The following ADAMTSL1 variants were observed in gnomAD, a reference collection of about 807,000 sequenced individuals.
ADAMTSL1 encodes the protein ADAMTS-like protein 1.
Under a neutral mutation model 201.8 loss-of-function variants are expected in ADAMTSL1, and 126 were observed. That is an observed-to-expected ratio of 0.62 (90% CI 0.54 to 0.72). ADAMTSL1 has a LOEUF of 0.72. ADAMTSL1 is among the 30% of genes least tolerant of loss of function. ADAMTSL1 has a pLI of 0.00. For synonymous variants in ADAMTSL1, 1,121 were observed against 903.4 expected, an observed-to-expected ratio of 1.24 and a Z score of -4.32; for missense variants, 2,679 against 2,277.8, an observed-to-expected ratio of 1.18 and a Z score of -3.59.
At chr9:18,495,450 A>G (rs928820462) in intron 1 of ADAMTSL1, among the ~76,000 whole-genome samples, 7 of 152,192 alleles carry the variant, frequency 4.6e-5, no homozygotes, top group African/African-American at 1.7e-4. Flanking sequence ...TCTCTACCTT[A>G]CATGGTTTCC....
intron 3 of ADAMTSL1, among the ~76,000 whole-genome samples, chr9:18,548,665 A>G (rs1385750051): frequency 6.6e-6 from 1 of 152,134 alleles, no homozygotes; most frequent in African/African-American, 2.4e-5. Context: ...CTAATTCAGC[A>G]TTTATGGTGA....
At chr9:18,176,470 A>T (rs1828162074) in intron 2 of ADAMTSL1, among the ~76,000 whole-genome samples, 1 of 152,146 alleles carries the variant, frequency 6.6e-6, no homozygotes, top group South Asian at 2.1e-4. Flanking sequence ...ACTGTCATTT[A>T]TTACCCTCTT....
intron 4 of ADAMTSL1, among the ~76,000 whole-genome samples, chr9:18,586,681 C>T (rs117442549): frequency 6.6e-6 from 1 of 152,188 alleles, no homozygotes; most frequent in Non-Finnish European, 1.5e-5. Flanking sequence ...CATCACATTA[C>T]CTGACTTCAA....
At chr9:18,244,427 C>A (rs1831182729) in intron 2 of ADAMTSL1, among the ~76,000 whole-genome samples, 1 of 152,018 alleles carries the variant, frequency 6.6e-6, no homozygotes, top group Admixed American at 6.6e-5. Flanking sequence ...CATCCTAGCC[C>A]AGAATCCAGA....
rs75000141 is a variant in ADAMTSL1, at chr9:18,440,105, A to G, written c.208-64724A>G. 6.2e-3 allele frequency among the ~76,000 whole-genome samples: 938 copies of G among 152,286 alleles called. 10 individuals carry two copies. Among genetic ancestry groups the G allele is most frequent in the African/African-American group, 0.022 (895 of 41,560 alleles). On this transcript the variant is annotated intron_variant, in intron 2 of 29. Transcript: ENST00000680146. The stretch of plus-strand genomic sequence containing the variant: ...AAAATTCTCTTAAAATGTATTTATT[A>G]TGTTTTTGGTAATATTCTCAGGTAG...
At chr9:18,794,970 C>G (rs1369000350) in intron 19 of ADAMTSL1, among the ~76,000 whole-genome samples, 1 of 152,096 alleles carries the variant, frequency 6.6e-6, no homozygotes, top group Non-Finnish European at 1.5e-5. Flanking sequence ...TCTGGAAGCC[C>G]TACGTTCTTT....
At chr9:18,841,395 T>A (rs1469794044) in intron 23 of ADAMTSL1, among the ~76,000 whole-genome samples, 2 of 152,202 alleles carry the variant, frequency 1.3e-5, no homozygotes, top group Non-Finnish European at 2.9e-5. Flanking sequence ...GCCCACTTGA[T>A]CATGGTGGAT....
intron 2 of ADAMTSL1, among the ~76,000 whole-genome samples, chr9:18,444,293 C>G (rs1301725710): frequency 6.6e-6 from 1 of 152,150 alleles, no homozygotes; most frequent in African/African-American, 2.4e-5. Context: ...ATTTAATCCT[C>G]ACATTGATCT....
chr9:18,647,889 G>T (rs1827924579), intron 7 of ADAMTSL1, among the ~76,000 whole-genome samples: 1 of 150,996 alleles, frequency 6.6e-6, no homozygotes, highest in African/African-American at 2.4e-5. Context: ...GAGTTCTGTA[G>T]ATGTCTATTA....
intron 20 of ADAMTSL1, among the ~76,000 whole-genome samples, chr9:18,797,361 C>G (rs1384287943): frequency 6.6e-6 from 1 of 152,266 alleles, no homozygotes; most frequent in Non-Finnish European, 1.5e-5. Flanking sequence ...GTGCCAATGT[C>G]TACACTCACA....
At chr9:18,387,402 C>CTA in intron 2 of ADAMTSL1, among the ~76,000 whole-genome samples, 1 of 151,890 alleles carries the variant, frequency 6.6e-6, no homozygotes, top group East Asian at 1.9e-4. Context: ...TGCAGCCTTG[C>CTA]TATATTTCAT....
At chr9:18,698,487 T>C (rs1224447266) in intron 13 of ADAMTSL1, among the ~76,000 whole-genome samples, 2 of 152,096 alleles carry the variant, frequency 1.3e-5, no homozygotes, top group Non-Finnish European at 2.9e-5. Context: ...GGTTTCACCA[T>C]GTTGGCCAGG....
chr9:18,731,958 A>G (rs948296035), intron 15 of ADAMTSL1, among the ~76,000 whole-genome samples: 32 of 152,188 alleles, frequency 2.1e-4, no homozygotes, highest in African/African-American at 7.5e-4. Flanking sequence ...ATATTTCCAT[A>G]TGATATTCGG....
intron 25 of ADAMTSL1, among the ~76,000 whole-genome samples, chr9:18,891,697 A>G (rs1829284696): frequency 6.6e-6 from 1 of 152,208 alleles, no homozygotes; most frequent in Non-Finnish European, 1.5e-5. Flanking sequence ...TTTCTGAGAG[A>G]TTGACCAAAA....
chr9:18,855,500 A>C (rs7855681), intron 23 of ADAMTSL1, among the ~76,000 whole-genome samples: 73,074 of 151,958 alleles, frequency 0.48, 18,818 homozygotes, highest in South Asian at 0.59. Context: ...AGGGTAGGCC[A>C]AAGGAGAAAA....
intron 12 of ADAMTSL1, among the ~76,000 whole-genome samples, chr9:18,684,417 A>G (rs1375421399): frequency 4.6e-5 from 7 of 152,208 alleles, no homozygotes; most frequent in African/African-American, 1.7e-4. Flanking sequence ...TACTTCGATG[A>G]TTCTTTATAT....
intron 1 of ADAMTSL1, among the ~76,000 whole-genome samples, chr9:18,027,860 T>C (rs567392216): frequency 6.6e-6 from 1 of 152,122 alleles, no homozygotes; most frequent in African/African-American, 2.4e-5. Flanking sequence ...TTTTTATAGG[T>C]ATAGAAGTAT....
chr9:18,680,082 A>G (rs185517351), intron 10 of ADAMTSL1, among the ~76,000 whole-genome samples: 73 of 152,334 alleles, frequency 4.8e-4, no homozygotes, highest in Admixed American at 1.5e-3. Context: ...CAAAACTGTA[A>G]TGGCTTACAT....
chr9:18,526,423 A>G (rs372990204), intron 2 of ADAMTSL1, among the ~76,000 whole-genome samples: 3 of 152,170 alleles, frequency 2.0e-5, no homozygotes, highest in Non-Finnish European at 2.9e-5. Context: ...TAATTGGAGC[A>G]TTTAGCCCAT....
Sources: gnomAD v4.1 joint callset for allele counts (sites outside exome capture counted in the v4.1 genomes callset) on GRCh38, gnomAD v4.1.1 for gene constraint, MANE v1.5 for transcripts, NCBI Gene and HGNC (gene_info 2026-07-23, HGNC 2026-07-21) for gene names.